CREBRF: variants seen among roughly 807,000 people sequenced by gnomAD.
CREBRF encodes the protein UPF0474 protein C5orf41.
In CREBRF, 5 loss-of-function variants were observed where a neutral mutation model predicts 66.1. The ratio of observed to expected loss-of-function variants is 0.08; its 90% CI spans 0.04 to 0.16. CREBRF has a LOEUF of 0.16. Ranked by LOEUF, CREBRF falls within the 10% of genes least tolerant of loss-of-function variation. The pLI, the probability that CREBRF is intolerant of heterozygous loss-of-function variation, is 1.00. For synonymous variants in CREBRF, 229 were observed against 264.4 expected (o/e 0.87, Z 1.30); for missense variants, 531 against 744.9 (o/e 0.71, Z 3.34).
At chr5:173,131,583 A>C (rs1002880971) in intron 8 of CREBRF, among the ~76,000 whole-genome samples, 1 of 152,168 alleles carries the variant, frequency 6.6e-6, no homozygotes. Context: ...TTTTCTGGTA[A>C]GAATACATCA....
chr5:173,097,410 A>G (rs767410427), intron 4 of CREBRF, among the ~76,000 whole-genome samples: 5 of 151,906 alleles, frequency 3.3e-5, no homozygotes, highest in Non-Finnish European at 5.9e-5. Flanking sequence ...ATGCCTGGCT[A>G]ATTTTTGTAT....
intron 1 of CREBRF, chr5:173,060,225 A>G (rs1443687118): frequency 6.7e-6 from 1 of 149,594 alleles, no homozygotes; most frequent in Non-Finnish European, 1.5e-5. Context: ...ATACATATAT[A>G]TATATATGTT....
intron 4 of CREBRF, chr5:173,091,767 C>T: frequency 2.0e-6 from 2 of 996,942 alleles, no homozygotes; most frequent in Non-Finnish European, 1.2e-6. Context: ...GCAAAGACAC[C>T]AATAATTTAT....
At chr5:173,069,811 G>C (rs1418134401) in intron 1 of CREBRF, among the ~76,000 whole-genome samples, 1 of 152,054 alleles carries the variant, frequency 6.6e-6, no homozygotes, top group African/African-American at 2.4e-5. Flanking sequence ...TGGTGGTATA[G>C]CCTGCTTCAC....
chr5:173,111,482 C>T (rs1383699973), intron 6 of CREBRF, among the ~76,000 whole-genome samples: 1 of 152,170 alleles, frequency 6.6e-6, no homozygotes, highest in Non-Finnish European at 1.5e-5. Flanking sequence ...GCCCAGGCCT[C>T]CCAAAGTGCT....
At chr5:173,089,631 G>A (rs953503272) in intron 3 of CREBRF, among the ~76,000 whole-genome samples, 2 of 149,598 alleles carry the variant, frequency 1.3e-5, no homozygotes, top group African/African-American at 2.5e-5. Context: ...AGACCAGCCT[G>A]GTCAACATGG....
Position 173,090,180 on chromosome 5 carries a change from G to A in CREBRF, c.136-135G>A. 1.8e-6 allele frequency: 1 copy of A among 567,780 alleles called. No individual in the cohort carries two copies. Among genetic ancestry groups the A allele is most frequent in the Non-Finnish European group, 3.0e-6 (1 of 329,858 alleles). The allele number at this position is 567,780 out of a possible 1,614,324, so 35.2% of individuals were successfully genotyped here. ...AGGAAATGATGACATTATATGAAAT[G>A]ATAAAGCGTCCTGTCAGTAGCCTTT... On this transcript the variant is annotated intron_variant, in intron 3 of 8. Transcript: ENST00000296953. The surrounding 1 kb of genome is among the most constrained non-coding windows in gnomAD (Gnocchi z 4.5).
At chr5:173,057,176 T>C (rs1056716514) in intron 1 of CREBRF, among the ~76,000 whole-genome samples, 4 of 151,574 alleles carry the variant, frequency 2.6e-5, no homozygotes, top group African/African-American at 9.7e-5. Context: ...AGTGGCAGGC[T>C]CTGGCGTCCA....
chr5:173,093,133 A>C (rs781434636), intron 4 of CREBRF, among the ~76,000 whole-genome samples: 2 of 152,144 alleles, frequency 1.3e-5, no homozygotes, highest in Non-Finnish European at 2.9e-5. Context: ...AGGGAGGGGA[A>C]GGGTGAAACA....
At position 173,136,966 on chromosome 5, in the gene CREBRF, A is replaced by G. The variant is rs1759599464; in HGVS notation, c.*3221A>G. ...CTAGTACTACTATGATTTAAAAAAA[A>G]AAAAAACCAACAAAAACCTTTTTTC... On this transcript the variant is annotated 3_prime_UTR_variant, in exon 9 of 9. Coordinates refer to ENST00000296953, the MANE Select transcript of CREBRF (RefSeq NM_153607.3). 6.6e-6 allele frequency: 1 copy of G among 152,188 alleles called. No individual in the cohort carries two copies. The highest frequency in any genetic ancestry group is 2.4e-5 in the African/African-American group (1 of 41,414). 9.4% of individuals were successfully genotyped at this position (152,188 alleles called of 1,614,324 possible). A position where few individuals can be genotyped will look rare whatever the true frequency, so the allele number is the denominator to read the frequency against.
At position 173,091,281 on chromosome 5, in the gene CREBRF, G is replaced by A; in HGVS notation, c.1102G>A (p.Asp368Asn). 1 of 1,613,720 alleles carries A rather than the reference G, an allele frequency of 6.2e-7. No homozygotes were observed. The highest frequency in any genetic ancestry group is 8.5e-7 in the Non-Finnish European group (1 of 1,179,780). ...GGACGAGGAGGATGTTGATGATGAG[G>A]ACCATGATGAAGGATTCGGCAGTGA... ...EEDEEDVDDE[D>N]HDEGFGSEHE... Residue 368 changes from aspartate to asparagine, a missense_variant, in exon 4 of 9, where the codon GAC (aspartate) becomes AAC (asparagine). By Grantham distance (23) the Asp-to-Asn change is conservative (BLOSUM62 1). This residue lies in a region of CREBRF where 309 missense variants were observed against 341.4 expected (regional missense o/e 0.90). Transcript: ENST00000296953.
In CREBRF at chr5:173,108,640, T is replaced by C; in HGVS notation, c.1239T>C (p.Ser413=). ...TFSEPGYEND[S]VEDLKEVTSI... ...TTTTTTAAGGCTATGAAAATGATTC[T>C]GTAGAAGACCTGAAGGAGGTGACTT... The change falls in exon 5 of 9, where the codon TCT becomes TCC. Residue 413 remains serine (S), a synonymous_variant. Transcript: ENST00000296953. The C allele has an allele frequency of 1.2e-6, 2 of 1,608,388 alleles. No individual in the cohort carries two copies. Among genetic ancestry groups the C allele is most frequent in the Non-Finnish European group, 1.7e-6 (2 of 1,178,718 alleles).
At chr5:173,058,629 G>A (rs1284188263) in intron 1 of CREBRF, among the ~76,000 whole-genome samples, 3 of 150,610 alleles carry the variant, frequency 2.0e-5, no homozygotes, top group Non-Finnish European at 3.0e-5. Context: ...GACTACAGGC[G>A]CCCGCCATCA....
At chr5:173,077,922 A>G (rs868093164) in intron 1 of CREBRF, among the ~76,000 whole-genome samples, 7 of 152,112 alleles carry the variant, frequency 4.6e-5, no homozygotes, top group Non-Finnish European at 1.0e-4. Context: ...ATGGCTGAAT[A>G]ATATTCTGTT....
rs1759608134 is a variant in CREBRF at position 173,137,297 on chromosome 5, A to C, written c.*3552A>C. The C allele has an allele frequency of 6.6e-6, 1 of 152,112 alleles. No individual in the cohort carries two copies. Among genetic ancestry groups the C allele is most frequent in the South Asian group, 2.1e-4 (1 of 4,834 alleles). The allele number at this position is 152,112 out of a possible 1,614,324, so 9.4% of individuals were successfully genotyped here. On this transcript the variant is annotated 3_prime_UTR_variant, in exon 9 of 9. Transcript: ENST00000296953. ...GTAAGAGAATCAGAACTATTACAAAAGCATCATGAAGGATTTCAGATGGGT... is the reference window on the plus strand; with the variant it reads ...GTAAGAGAATCAGAACTATTACAAACGCATCATGAAGGATTTCAGATGGGT...
chr5:173,071,048 T>C lies in CREBRF; in HGVS notation c.-191-9537T>C, dbSNP rs1461071868. Among the ~76,000 whole-genome samples the C allele has an allele frequency of 6.6e-5, 10 of 152,254 alleles. 1 individual carries two copies. The highest frequency in any genetic ancestry group is 2.2e-4 in the African/African-American group (9 of 41,572). On this transcript the variant is annotated intron_variant, in intron 1 of 8. Transcript: ENST00000296953. The stretch of plus-strand genomic sequence containing the variant: ...GGAATAGGAGAGAAGATGAAAAATA[T>C]GAGCTAAGACATGAAGGTCAGTCTC...
chr5:173,059,583 A>G (rs936268134), intron 1 of CREBRF, among the ~76,000 whole-genome samples: 5 of 152,114 alleles, frequency 3.3e-5, no homozygotes, highest in African/African-American at 7.2e-5. Context: ...TTATTTTATC[A>G]GGTGGCATTG....
At position 173,090,475 on chromosome 5, in the gene CREBRF, C is replaced by T. The variant is rs761622677; in HGVS notation, c.296C>T (p.Thr99Met). ...EQWDTYCEDL[T>M]KYTKLTSCDI... ...TGGGATACATACTGTGAAGACCTAA[C>T]GAAATATACCAAACTAACCAGCTGT... Residue 99 changes from threonine to methionine, a missense_variant, in exon 4 of 9, where the codon ACG (threonine) becomes ATG (methionine). By Grantham distance (81) the Thr-to-Met change is moderately conservative. Coordinates refer to ENST00000296953, the MANE Select transcript of CREBRF (RefSeq NM_153607.3). The surrounding 1 kb of genome is among the most constrained non-coding windows in gnomAD (Gnocchi z 4.5). 2.5e-6 allele frequency: 4 copies of T among 1,613,590 alleles called. No homozygotes were observed. The highest frequency in any genetic ancestry group is 1.1e-5 in the South Asian group (1 of 91,084).
In CREBRF at chr5:173,134,291, C is replaced by T. The variant is rs2544581; in HGVS notation, c.*546C>T. 0.48 allele frequency: 56,787 copies of T among 118,154 alleles called. 11,590 individuals are homozygous for T. The highest frequency in any genetic ancestry group is 0.52 in the Non-Finnish European group (31,167 of 59,866). 7.3% of individuals were successfully genotyped at this position (118,154 alleles called of 1,614,324 possible). ...ATATATATATATATATATATATATA[C>T]ACACACACACACAAATGTCTGTGCA... is the stretch of plus-strand genomic sequence containing the variant. On this transcript the variant is annotated 3_prime_UTR_variant, in exon 9 of 9. Coordinates refer to ENST00000296953, the MANE Select transcript of CREBRF (RefSeq NM_153607.3).
Sources: gnomAD v4.1 joint callset for allele counts (sites outside exome capture counted in the v4.1 genomes callset) on GRCh38, gnomAD v4.1.1 for gene constraint, gnomAD v4.1.1 regional missense constraint, Gnocchi (gnomAD v3.1) non-coding constraint, MANE v1.5 for transcripts, NCBI Gene and HGNC (gene_info 2026-07-23, HGNC 2026-07-21) for gene names.